Variants in EIF4E3 observed in about 807,000 individuals in gnomAD.
EIF4E3 encodes the protein eukaryotic translation initiation factor 4E type 3.
EIF4E3 carries 26 observed loss-of-function variants against 31.7 expected under a neutral mutation model. The observed-to-expected ratio is 0.82, with a 90% confidence interval of 0.60 to 1.14. EIF4E3 has a LOEUF of 1.14. EIF4E3 is among the 50% of genes most tolerant of loss of function. EIF4E3 has a pLI of 0.00. For synonymous variants in EIF4E3, 128 were observed against 107.7 expected (o/e 1.19, Z -1.17); for missense variants, 304 against 270.9 (o/e 1.12, Z -0.86).
chr3:71,731,639 A>G (rs1048678165), intron 1 of EIF4E3, among the ~76,000 whole-genome samples: 3 of 152,200 alleles, frequency 2.0e-5, no homozygotes, highest in African/African-American at 7.2e-5. Context: ...TATACAGCAG[A>G]TATTGGTTGA....
intron 1 of EIF4E3, among the ~76,000 whole-genome samples, chr3:71,724,363 GAC>G (rs2049595770): frequency 1.3e-5 from 2 of 152,172 alleles, no homozygotes; most frequent in Non-Finnish European, 2.9e-5. Context: ...GAGCTGGGGA[GAC>G]AGACTGAAAG....
Position 71,684,621 on chromosome 3 carries a change from C to G in EIF4E3, c.*61G>C. The G allele has an allele frequency of 6.2e-7, 1 of 1,601,492 alleles. No individual in the cohort carries two copies. The highest frequency in any genetic ancestry group is 2.2e-5 in the East Asian group (1 of 44,756). On this transcript the variant is annotated 3_prime_UTR_variant, in exon 7 of 7. Coordinates refer to ENST00000425534, the MANE Select transcript of EIF4E3 (RefSeq NM_001134651.2). ...GGCAAGTCTTCTCTTCACTCTCCCT[C>G]CTGTTAAGACCGTTTCCAAAACCAA...
chr3:71,682,211 T>A lies in EIF4E3; in HGVS notation c.*2471A>T, dbSNP rs1454739830. On this transcript the variant is annotated 3_prime_UTR_variant, in exon 7 of 7. Transcript: ENST00000425534. ...TTTCAATCAGATTTCCTGGCATATA[T>A]CACAGACCCTAAGGAATTACAAAGA... 6.6e-6 allele frequency: 1 copy of A among 152,232 alleles called. No homozygotes were observed. The highest frequency in any genetic ancestry group is 1.9e-4 in the East Asian group (1 of 5,194). The allele number at this position is 152,232 out of a possible 1,614,324, so 9.4% of individuals were successfully genotyped here. A position where few individuals can be genotyped will look rare whatever the true frequency, so the allele number is the denominator to read the frequency against.
Position 71,725,361 on chromosome 3 carries a change from G to C in EIF4E3, c.7C>G (p.Leu3Val). ...GCGGGGGGCGCGGCGGCCGGGGGCA[G>C]CGCCATTTTCTCCGCCCCGCCTGCA... Reference protein sequence around the residue: MALPPAAAPPAGA... With the variant: MAVPPAAAPPAGA... The change falls in exon 1 of 7, where the codon CTG becomes GTG. Residue 3 changes from leucine to valine, a missense_variant. Physicochemically the swap from Leu to Val is conservative, Grantham distance 32. Coordinates refer to ENST00000425534, the MANE Select transcript of EIF4E3 (RefSeq NM_001134651.2). This position sits in a 1 kb window ranked among gnomAD's most constrained non-coding sequence, Gnocchi z 6.1. 1 of 977,308 alleles carries C rather than the reference G, an allele frequency of 1.0e-6. No homozygotes were observed. The highest frequency in any genetic ancestry group is 1.2e-6 in the Non-Finnish European group (1 of 825,538). The allele number at this position is 977,308 out of a possible 1,614,324, so 60.5% of individuals were successfully genotyped here.
intron 1 of EIF4E3, among the ~76,000 whole-genome samples, chr3:71,721,760 C>T (rs935608696): frequency 1.3e-5 from 2 of 152,090 alleles, no homozygotes; most frequent in Admixed American, 6.5e-5. Flanking sequence ...GTGAGTCAAA[C>T]CTCTTTCCTT....
rs909802725 is a variant in EIF4E3, at chr3:71,685,243, T to C, written c.629-515A>G. 3.9e-5 allele frequency among the ~76,000 whole-genome samples: 6 copies of C among 152,272 alleles called. No individual in the cohort carries two copies. In the South Asian group the frequency reaches 1.2e-3, roughly 32 times the overall value. On this transcript the variant is annotated intron_variant, in intron 6 of 6. Coordinates refer to ENST00000425534, the MANE Select transcript of EIF4E3 (RefSeq NM_001134651.2). Reference sequence around the variant, plus strand: ...ACCTCTCAACACTCTCCATGGGAAATGAAGTTTCATAAAATTGCTAAGTTT... The same window carrying C: ...ACCTCTCAACACTCTCCATGGGAAACGAAGTTTCATAAAATTGCTAAGTTT...
At chr3:71,727,897 T>A (rs2049659227), upstream of EIF4E3, among the ~76,000 whole-genome samples, 2 of 152,354 alleles carry the variant, frequency 1.3e-5, no homozygotes, top group Admixed American at 1.3e-4. Flanking sequence ...GTAAAAGGAT[T>A]GTGTACCACA....
Position 71,716,568 on chromosome 3 carries a change from C to T in EIF4E3, c.177-6084G>A, listed in dbSNP as rs527921540. Among the ~76,000 whole-genome samples, 3 of 152,254 alleles carry T rather than the reference C, an allele frequency of 2.0e-5. No homozygotes were observed. In the East Asian group the frequency reaches 5.8e-4, roughly 29 times the overall value. ...TTTTTCTTATTCCAGAAATGCTGGG[C>T]CCCCAATAATTGAAAAGACCACATA... On this transcript the variant is annotated intron_variant, in intron 1 of 6. Coordinates refer to ENST00000425534, the MANE Select transcript of EIF4E3 (RefSeq NM_001134651.2).
At position 71,700,821 on chromosome 3, in the gene EIF4E3, C is replaced by T. The variant is rs117600645; in HGVS notation, c.250-1113G>A. 2.4e-4 allele frequency among the ~76,000 whole-genome samples: 37 copies of T among 152,238 alleles called. No individual in the cohort carries two copies. The East Asian group carries it at 4.4e-3, about 18-fold the overall frequency. ...AAGCTGCGCAAGATACACAGTGTTA[C>T]GGACTGCACATCTGTGTCTTCCCCA... On this transcript the variant is annotated intron_variant, in intron 2 of 6. Coordinates refer to ENST00000425534, the MANE Select transcript of EIF4E3 (RefSeq NM_001134651.2).
chr3:71,726,315 C>T (rs980454184), upstream of EIF4E3, among the ~76,000 whole-genome samples: 6 of 152,218 alleles, frequency 3.9e-5, no homozygotes, highest in African/African-American at 1.4e-4. Context: ...GAGCGCTCTG[C>T]TTCCTGTACC....
At chr3:71,689,789 C>G (rs1319696181) in intron 6 of EIF4E3, among the ~76,000 whole-genome samples, 1 of 150,856 alleles carries the variant, frequency 6.6e-6, no homozygotes, top group Non-Finnish European at 1.5e-5. Flanking sequence ...ATTTCGTTTT[C>G]TGATCCACGC....
chr3:71,669,449 T>A, the EIF4E3 span, among the ~76,000 whole-genome samples: 3 of 152,232 alleles, frequency 2.0e-5, no homozygotes, highest in Non-Finnish European at 2.9e-5. Context: ...TGTATCGTCA[T>A]GGATAAATAC....
At chr3:71,662,319 C>CAAGT in the EIF4E3 span, among the ~76,000 whole-genome samples, 14 of 149,416 alleles carry the variant, frequency 9.4e-5, no homozygotes, top group African/African-American at 3.5e-4. Flanking sequence ...TGATGCTGGG[C>CAAGT]AAGTCTCTGC....
At chr3:71,716,310 G>T (rs923082631) in intron 1 of EIF4E3, among the ~76,000 whole-genome samples, 1 of 152,082 alleles carries the variant, frequency 6.6e-6, no homozygotes, top group Non-Finnish European at 1.5e-5. Flanking sequence ...TCGACTCACT[G>T]CAAGCTCCGC....
At chr3:71,671,528 C>G (rs139916916), downstream of EIF4E3, among the ~76,000 whole-genome samples, 1 of 152,284 alleles carries the variant, frequency 6.6e-6, no homozygotes, top group East Asian at 1.9e-4. Context: ...ATTTTAAAAA[C>G]TGCCTGTCAG....
chr3:71,671,531 C>T (rs1434128434), downstream of EIF4E3, among the ~76,000 whole-genome samples: 1 of 152,132 alleles, frequency 6.6e-6, no homozygotes, highest in Non-Finnish European at 1.5e-5. Context: ...TTAAAAACTG[C>T]CTGTCAGGAT....
chr3:71,703,261 A>T (rs987398715), intron 2 of EIF4E3, among the ~76,000 whole-genome samples: 2 of 152,162 alleles, frequency 1.3e-5, no homozygotes, highest in African/African-American at 4.8e-5. Flanking sequence ...TCAGCTTTTG[A>T]CCACAGCAAT....
In EIF4E3 at chr3:71,734,544, C is replaced by A. The variant is rs182821941; in HGVS notation, c.-290-5921G>T. Among the ~76,000 whole-genome samples, 899 of 152,128 alleles carry A rather than the reference C, an allele frequency of 5.9e-3. 10 individuals are homozygous for A. Among genetic ancestry groups the A allele is most frequent in the African/African-American group, 0.02 (849 of 41,470 alleles). On this transcript the variant is annotated intron_variant, in intron 1 of 7. Coordinates refer to the EIF4E3 transcript ENST00000295612. The stretch of plus-strand genomic sequence containing the variant: ...TCATGTTTTTCATAGTTTGCAAAAG[C>A]ACAGTTAATGATGCAAATAATTTCC...
rs183035832 is a variant in EIF4E3 at position 71,699,124 on chromosome 3, G to T, written c.344+490C>A. Among the ~76,000 whole-genome samples the T allele has an allele frequency of 2.9e-3, 440 of 152,208 alleles. 3 individuals carry two copies. Among genetic ancestry groups the T allele is most frequent in the Middle Eastern group, 0.01 (3 of 294 alleles). Reference sequence around the variant, plus strand: ...CACCTGTAGTCTCAGCTACTTGGGAGGCTGAGGTGGGAGGTTCACCTGAGC... The same window carrying T: ...CACCTGTAGTCTCAGCTACTTGGGATGCTGAGGTGGGAGGTTCACCTGAGC... On this transcript the variant is annotated intron_variant, in intron 3 of 6. Coordinates refer to ENST00000425534, the MANE Select transcript of EIF4E3 (RefSeq NM_001134651.2).
Sources: allele counts gnomAD v4.1 joint callset (sites outside exome capture counted in the v4.1 genomes callset), GRCh38; gene constraint gnomAD v4.1.1; non-coding constraint Gnocchi (gnomAD v3.1); transcripts MANE v1.5; gene names NCBI Gene and HGNC (gene_info 2026-07-23, HGNC 2026-07-21).